GPA33: variants seen among roughly 807,000 people sequenced by gnomAD.
The protein encoded by GPA33 is cell surface A33 antigen.
GPA33 carries 27 observed loss-of-function variants against 35.6 expected under a neutral mutation model. That is an observed-to-expected ratio of 0.76 (90% confidence interval 0.56 to 1.04). The LOEUF is 1.04. GPA33 is among the 50% of genes least tolerant of loss of function. The pLI is 0.00. For synonymous variants in GPA33, 176 were observed against 164.0 expected (o/e 1.07, Z -0.56); for missense variants, 428 against 411.9 (o/e 1.04, Z -0.34).
chr1:167,075,610 G>C (rs1407471001), intron 1 of GPA33, among the ~76,000 whole-genome samples: 1 of 152,224 alleles, frequency 6.6e-6, no homozygotes, highest in Non-Finnish European at 1.5e-5. Context: ...CCCTGGTGGA[G>C]GTGGCAATGA....
At chr1:167,087,051 G>GA (rs1279275676) in intron 1 of GPA33, among the ~76,000 whole-genome samples, 1 of 151,866 alleles carries the variant, frequency 6.6e-6, no homozygotes, top group Non-Finnish European at 1.5e-5. Flanking sequence ...TCTGGTGGCT[G>GA]AAAAAAAATC....
At chr1:167,062,189 T>C (rs181556305) in intron 4 of GPA33, among the ~76,000 whole-genome samples, 22 of 151,100 alleles carry the variant, frequency 1.5e-4, no homozygotes, top group Admixed American at 1.0e-3. Flanking sequence ...TATTTTATTT[T>C]ACTTTATTTT....
chr1:167,076,982 G>A (rs1666834661), intron 1 of GPA33, among the ~76,000 whole-genome samples: 1 of 152,094 alleles, frequency 6.6e-6, no homozygotes. Context: ...GAGGTGGATG[G>A]ATCACCTGAG....
chr1:167,089,469 T>G (rs1383645214), intron 1 of GPA33, among the ~76,000 whole-genome samples: 2 of 152,224 alleles, frequency 1.3e-5, no homozygotes, highest in Non-Finnish European at 2.9e-5. Flanking sequence ...ACCCTGCGTC[T>G]CTCAACTTCC....
chr1:167,068,222 T>G (rs1666640822), intron 3 of GPA33, among the ~76,000 whole-genome samples: 1 of 152,226 alleles, frequency 6.6e-6, no homozygotes, highest in South Asian at 2.1e-4. Flanking sequence ...TGGTGCCATT[T>G]CTTATATTGG....
At chr1:167,068,506 G>C (rs1666647581) in intron 3 of GPA33, among the ~76,000 whole-genome samples, 2 of 152,202 alleles carry the variant, frequency 1.3e-5, no homozygotes, top group South Asian at 4.1e-4. Flanking sequence ...ATTTCTGCTG[G>C]GTAGCCAAAG....
chr1:167,077,022 A>G (rs1227099840), intron 1 of GPA33, among the ~76,000 whole-genome samples: 2 of 151,066 alleles, frequency 1.3e-5, no homozygotes, highest in African/African-American at 2.4e-5. Flanking sequence ...CCTGGCCAAC[A>G]TGGTAAAACC....
At chr1:167,081,680 T>C (rs143462621) in intron 1 of GPA33, among the ~76,000 whole-genome samples, 2,114 of 152,310 alleles carry the variant, frequency 0.014, 17 homozygotes, top group Middle Eastern at 0.02. Context: ...CCCCAGCCCT[T>C]CCTGCTGCCT....
intron 4 of GPA33, among the ~76,000 whole-genome samples, chr1:167,059,669 G>C (rs188312379): frequency 6.6e-6 from 1 of 152,078 alleles, no homozygotes; most frequent in East Asian, 1.9e-4. Context: ...TTCAGTGCAT[G>C]AAACTCAGCT....
chr1:167,057,703 C>CAG (rs1666339328), intron 4 of GPA33, among the ~76,000 whole-genome samples: 1 of 152,218 alleles, frequency 6.6e-6, no homozygotes, highest in African/African-American at 2.4e-5. Context: ...TCCGGATGTG[C>CAG]TGCTCAGTAC....
rs1666662107 is a variant in GPA33 at position 167,069,087 on chromosome 1, G to T, written c.250C>A (p.Leu84Ile). 6.2e-7 allele frequency: 1 copy of T among 1,613,922 alleles called. No individual in the cohort carries two copies. The highest frequency in any genetic ancestry group is 8.5e-7 in the Non-Finnish European group (1 of 1,179,940). The change falls in exon 3 of 7, where the codon CTT becomes ATT. Residue 84 changes from leucine to isoleucine, a missense_variant. Physicochemically the swap from Leu to Ile is conservative, Grantham distance 5 (BLOSUM62 2). Transcript: ENST00000367868. ...GATATGCTGACGCGATTCTTATAAA[G>T]CTCACCATGGATGTAGTTTTTGTTT... ...FSNKNYIHGELYKNRVSISNN... is the reference protein window; with the variant it reads ...FSNKNYIHGEIYKNRVSISNN...
rs768326263 is a variant in GPA33, at chr1:167,062,646, CTTTTTT to C, written c.571+930_571+935del. Reference sequence around the variant, plus strand: ...TGGTAGGATTTTTATATAGCTCTTTCTTTTTTTTTTTTTTTTTTTTTCAGTTTCCTG... The same window carrying C: ...TGGTAGGATTTTTATATAGCTCTTTCTTTTTTTTTTTTTTTCAGTTTCCTG... On this transcript the variant is annotated intron_variant, in intron 4 of 6. Coordinates refer to ENST00000367868, the MANE Select transcript of GPA33 (RefSeq NM_005814.3). 5.9e-3 allele frequency among the ~76,000 whole-genome samples: 473 copies of C among 79,996 alleles called. 4 individuals are homozygous for C. The highest frequency in any genetic ancestry group is 8.6e-3 in the Non-Finnish European group (366 of 42,536). 52.5% of individuals were successfully genotyped at this position (79,996 alleles called of 152,430 possible).
At chr1:167,077,719 A>G (rs1054760999) in intron 1 of GPA33, among the ~76,000 whole-genome samples, 3 of 152,350 alleles carry the variant, frequency 2.0e-5, no homozygotes, top group African/African-American at 7.2e-5. Context: ...TGTTAAGTCA[A>G]CCATCAATGG....
chr1:167,079,572 A>G (rs1250004020), intron 1 of GPA33, among the ~76,000 whole-genome samples: 3 of 152,164 alleles, frequency 2.0e-5, no homozygotes, highest in African/African-American at 7.2e-5. Flanking sequence ...TAAACCTGAG[A>G]AGCATCTTAA....
intron 3 of GPA33, among the ~76,000 whole-genome samples, chr1:167,064,215 C>G (rs1004142560): frequency 6.6e-6 from 1 of 151,600 alleles, no homozygotes; most frequent in Non-Finnish European, 1.5e-5. Flanking sequence ...ATCTGGGAGG[C>G]GGAGGTTGCA....
chr1:167,074,483 G>A (rs983475999), intron 1 of GPA33, among the ~76,000 whole-genome samples: 2 of 152,214 alleles, frequency 1.3e-5, no homozygotes, highest in African/African-American at 4.8e-5. Context: ...TGTTGGAACT[G>A]ATGCTGAGGG....
chr1:167,084,980 T>TG (rs1163934873), intron 1 of GPA33, among the ~76,000 whole-genome samples: 1 of 152,236 alleles, frequency 6.6e-6, no homozygotes, highest in African/African-American at 2.4e-5. Context: ...GACCCAGGTT[T>TG]GGGGAAAAAG....
At chr1:167,081,062 G>C (rs556161975) in intron 1 of GPA33, among the ~76,000 whole-genome samples, 1 of 152,288 alleles carries the variant, frequency 6.6e-6, no homozygotes, top group East Asian at 1.9e-4. Context: ...CCTCCCTAAG[G>C]GGGTCCATAT....
chr1:167,077,105 C>T (rs905561772), intron 1 of GPA33, among the ~76,000 whole-genome samples: 2 of 151,868 alleles, frequency 1.3e-5, no homozygotes, highest in Non-Finnish European at 2.9e-5. Context: ...ACTCAGGAGG[C>T]TGAGGCAGGA....
Sources: allele counts gnomAD v4.1 joint callset (sites outside exome capture counted in the v4.1 genomes callset), GRCh38; gene constraint gnomAD v4.1.1; transcripts MANE v1.5; gene names NCBI Gene and HGNC (gene_info 2026-07-23, HGNC 2026-07-21).